The following FRMPD3 variants were observed in gnomAD, a reference collection of about 807,000 sequenced individuals.
FRMPD3 encodes the protein FERM and PDZ domain containing 3.
Under a neutral mutation model 97.9 loss-of-function variants are expected in FRMPD3, and 42 were observed. The ratio of observed to expected loss-of-function variants is 0.43; its 90% CI spans 0.34 to 0.55. FRMPD3 has a LOEUF of 0.55. Among genes scored for constraint, FRMPD3 ranks in the 20% least tolerant of loss-of-function variants. The pLI is 0.03. For missense variants in FRMPD3, 1,303 were observed against 1,457.7 expected, an observed-to-expected ratio of 0.89 and a Z score of 1.73; for synonymous variants, 577 against 581.1, an observed-to-expected ratio of 0.99 and a Z score of 0.10.
At chrX:107,577,162 T>TAAAA (rs1170985688) in intron 13 of FRMPD3, among the ~76,000 whole-genome samples, 2 of 32,071 alleles carry the variant, frequency 6.2e-5, no homozygotes. Context: ...CTGTCTCTAC[T>TAAAA]AAAAAAAAAA....
At chrX:107,577,856 G>A (rs779545060) in intron 13 of FRMPD3, among the ~76,000 whole-genome samples, 2 of 111,303 alleles carry the variant, frequency 1.8e-5, no homozygotes, top group South Asian at 3.8e-4. Flanking sequence ...GGAACTAAAT[G>A]GCAATGCACC....
At chrX:107,540,755 A>G (rs1921257240) in intron 4 of FRMPD3, among the ~76,000 whole-genome samples, 1 of 112,140 alleles carries the variant, frequency 8.9e-6, no homozygotes, top group Non-Finnish European at 1.9e-5. Flanking sequence ...AAGGTGCTCA[A>G]TTAATCTATG....
intron 1 of FRMPD3, among the ~76,000 whole-genome samples, chrX:107,511,877 G>T (rs945435771): frequency 8.9e-6 from 1 of 112,054 alleles, no homozygotes; most frequent in Non-Finnish European, 1.9e-5. Context: ...CTGTGCCAGG[G>T]CTCTGCAGCC....
chrX:107,602,890 C>G lies in FRMPD3; in HGVS notation c.4851C>G (p.Pro1617=). ...TGGCCAGCCCCGAGGCCCGTGCCCC[C>G]AAGCCCTATGTGTCTCAGATCTCCG... is the stretch of plus-strand genomic sequence containing the variant. The part of the protein sequence containing the change: ...QCVASPEARA[P]KPYVSQISEY... Residue 1617 remains proline (P), a synonymous_variant, in exon 15 of 15, where the codon CCC becomes CCG. Transcript: ENST00000683843. 6 of 1,211,228 alleles carry G rather than the reference C, an allele frequency of 5.0e-6. No individual in the cohort carries two copies. The highest frequency in any genetic ancestry group is 5.6e-6 in the Non-Finnish European group (5 of 895,436).
chrX:107,573,393 A>G (rs1227057523), intron 12 of FRMPD3, among the ~76,000 whole-genome samples: 5 of 111,834 alleles, frequency 4.5e-5, no homozygotes, highest in Non-Finnish European at 9.4e-5. Flanking sequence ...GCAGGGCTAC[A>G]GTGGCAGCAA....
chrX:107,604,313 T>TG lies in FRMPD3; in HGVS notation c.*946dup, dbSNP rs1202115934. 6.2e-5 allele frequency: 1 copy of TG among 16,012 alleles called. No individual in the cohort carries two copies. The allele number at this position is 16,012 out of a possible 1,213,427, so 1.3% of individuals were successfully genotyped here. ...GGGGGAGGGGGGAAAGGGGTAGGGG[T>TG]GGGGGGTGTTGATGACTATATCTTA... On this transcript the variant is annotated 3_prime_UTR_variant, in exon 15 of 15. Coordinates refer to ENST00000683843, the MANE Select transcript of FRMPD3 (RefSeq NM_001388459.1).
In FRMPD3 at chrX:107,530,439, G is replaced by T; in HGVS notation, c.179G>T (p.Gly60Val). 8.4e-7 allele frequency: 1 copy of T among 1,196,216 alleles called. No individual in the cohort carries two copies. The highest frequency in any genetic ancestry group is 1.1e-6 in the Non-Finnish European group (1 of 888,039). The change falls in exon 3 of 15, where the codon GGT becomes GTT. Residue 60 changes from glycine (G) to valine (V), a missense_variant. Gly to Val is a moderately radical substitution (Grantham distance 109). Coordinates refer to ENST00000683843, the MANE Select transcript of FRMPD3 (RefSeq NM_001388459.1). ...GGPSENKLLA[G>V]DQIVAINEED... is the part of the protein sequence containing the mutation. ...CCCTCTGAGAACAAGCTCCTGGCTGGTGACCAGATTGTGGCTATTAATGAG... is the reference window on the plus strand; with the variant it reads ...CCCTCTGAGAACAAGCTCCTGGCTGTTGACCAGATTGTGGCTATTAATGAG...
At chrX:107,583,098 CTTTTTTTCTTTTTCTT>C (rs1048633932) in intron 13 of FRMPD3, among the ~76,000 whole-genome samples, 2 of 109,766 alleles carry the variant, frequency 1.8e-5, no homozygotes, top group Admixed American at 2.0e-4. Flanking sequence ...TTCTTTTTCT[CTTTTTTTCTTTTTCTT>C]TTTTTTTCTT....
chrX:107,480,868 AAAGGAAGGAAGG>A (rs201864947), intron 1 of FRMPD3, among the ~76,000 whole-genome samples: 1 of 66,664 alleles, frequency 1.5e-5, no homozygotes, highest in Non-Finnish European at 2.8e-5. Flanking sequence ...GGAAAGAAAG[AAAGGAAGGAAGG>A]AAGGAAGGAA....
At chrX:107,514,028 A>G (rs1922237374) in intron 1 of FRMPD3, among the ~76,000 whole-genome samples, 1 of 112,068 alleles carries the variant, frequency 8.9e-6, no homozygotes, top group African/African-American at 3.2e-5. Flanking sequence ...AGGAGGTGAT[A>G]TTTAAGTGGA....
intron 1 of FRMPD3, among the ~76,000 whole-genome samples, chrX:107,522,919 G>C (rs941430131): frequency 2.7e-5 from 3 of 109,547 alleles, no homozygotes; most frequent in Non-Finnish European, 5.7e-5. Context: ...CAAACCTCGT[G>C]GGGTGGCGGG....
chrX:107,576,919 A>ATGT (rs1923142739), intron 13 of FRMPD3, among the ~76,000 whole-genome samples: 1 of 110,554 alleles, frequency 9.0e-6, no homozygotes, highest in Non-Finnish European at 1.9e-5. Context: ...TAGATGCAGT[A>ATGT]AGTGCTCCCC....
intron 3 of FRMPD3, among the ~76,000 whole-genome samples, chrX:107,531,067 G>C (rs1040987365): frequency 1.1e-4 from 12 of 109,043 alleles, no homozygotes; most frequent in Admixed American, 3.0e-4. Flanking sequence ...TGTACATGGA[G>C]AGTAATCACA....
intron 12 of FRMPD3, among the ~76,000 whole-genome samples, chrX:107,573,793 CA>C (rs1451247935): frequency 1.8e-5 from 2 of 112,341 alleles, no homozygotes; most frequent in East Asian, 5.6e-4. Flanking sequence ...GTATTTGATC[CA>C]ACACAAGACT....
Position 107,530,425 on chromosome X carries a change from C to T in FRMPD3, c.165C>T (p.Asn55=). 8.4e-7 allele frequency: 1 copy of T among 1,192,402 alleles called. No individual in the cohort carries two copies. Among genetic ancestry groups the T allele is most frequent in the South Asian group, 1.8e-5 (1 of 54,079 alleles). Residue 55 remains asparagine, a synonymous_variant, in exon 3 of 15, where the codon AAC becomes AAT. Transcript: ENST00000683843. ...RSVRPGGPSE[N]KLLAGDQIVA... ...CCTTTGCAGGAGGCCCCTCTGAGAA[C>T]AAGCTCCTGGCTGGTGACCAGATTG...
intron 1 of FRMPD3, among the ~76,000 whole-genome samples, 117 bp downstream of exon 1, chrX:107,450,122 C>T (rs1225394400): frequency 9.0e-6 from 1 of 110,536 alleles, no homozygotes; most frequent in Admixed American, 9.3e-5. Flanking sequence ...GCTTGGGCGC[C>T]CCCGGGAGCC....
At chrX:107,465,549 C>A (rs1305442251) in intron 1 of FRMPD3, among the ~76,000 whole-genome samples, 1 of 111,794 alleles carries the variant, frequency 8.9e-6, no homozygotes, top group Non-Finnish European at 1.9e-5. Context: ...CTCCCAGACA[C>A]AGCACACACA....
chrX:107,554,170 TC>T (rs1487294083), intron 7 of FRMPD3, among the ~76,000 whole-genome samples: 1 of 111,007 alleles, frequency 9.0e-6, no homozygotes, highest in Non-Finnish European at 1.9e-5. Context: ...ATTTGAAAAT[TC>T]CTCTTATTTT....
intron 5 of FRMPD3, 98 bp from the exon 6 acceptor site, chrX:107,549,951 C>A: frequency 1.8e-6 from 1 of 550,286 alleles, no homozygotes; most frequent in Non-Finnish European, 3.1e-6. Context: ...CTCTCTGTCT[C>A]CATCACCTTT....
Sources: gnomAD v4.1 joint callset for allele counts (sites outside exome capture counted in the v4.1 genomes callset) on GRCh38, gnomAD v4.1.1 for gene constraint, MANE v1.5 for transcripts, NCBI Gene and HGNC (gene_info 2026-07-23, HGNC 2026-07-21) for gene names.